The following EMC7 variants were observed in gnomAD, a reference collection of about 807,000 sequenced individuals.
EMC7 encodes the protein endoplasmic reticulum membrane protein complex subunit 7.
Under a neutral mutation model 24.4 loss-of-function variants are expected in EMC7, and 4 were observed. That is an observed-to-expected ratio of 0.16 (90% CI 0.08 to 0.38). EMC7 has a LOEUF of 0.38. Ranked by LOEUF, EMC7 falls within the 10% of genes least tolerant of loss-of-function variation. EMC7 has a pLI of 1.00. For synonymous variants in EMC7, 106 were observed against 112.0 expected (o/e 0.95, Z 0.34); for missense variants, 221 against 300.6 (o/e 0.74, Z 1.96).
Position 34,088,020 on chromosome 15 carries a change from A to G in EMC7, c.576+33T>C, listed in dbSNP as rs571177071. On this transcript the variant is annotated intron_variant, in intron 4 of 4. Coordinates refer to ENST00000256545, the MANE Select transcript of EMC7 (RefSeq NM_020154.3). The stretch of plus-strand genomic sequence containing the variant: ...GCAACAGAGGCTCTATCTCTTAAAA[A>G]AAAAAAAATCCATAGCTGGACCATC... 1.8e-4 allele frequency: 292 copies of G among 1,582,522 alleles called. 2 individuals are homozygous for G. The South Asian group carries it at 3.3e-3, about 18-fold the overall frequency.
chr15:34,096,008 A>G lies in EMC7; in HGVS notation c.243T>C (p.Asp81=). 1 of 1,566,252 alleles carries G rather than the reference A, an allele frequency of 6.4e-7. No homozygotes were observed. Among genetic ancestry groups the G allele is most frequent in the South Asian group, 1.2e-5 (1 of 83,962 alleles). The stretch of plus-strand genomic sequence containing the variant: ...GTATATCATGAACCACAAAACTCCC[A>G]TCTGTCCTGGAAAAATGAAAATCAT... ...GEEHVGFLKT[D]GSFVVHDIPS... is the part of the protein sequence containing the mutation. The change falls in exon 2 of 5, where the codon GAT becomes GAC. Residue 81 remains aspartate, a synonymous_variant. Coordinates refer to ENST00000256545, the MANE Select transcript of EMC7 (RefSeq NM_020154.3).
At chr15:34,093,806 C>CACACACACACACACACACATATAT (rs61440619) in intron 2 of EMC7, among the ~76,000 whole-genome samples, 16 of 30,228 alleles carry the variant, frequency 5.3e-4, no homozygotes, top group East Asian at 1.4e-3. Flanking sequence ...CACACACACA[C>CACACACACACACACACACATATAT]ATATATATAT....
chr15:34,095,174 T>C (rs1901045244), intron 2 of EMC7, among the ~76,000 whole-genome samples: 2 of 152,362 alleles, frequency 1.3e-5, no homozygotes, highest in Admixed American at 6.5e-5. Flanking sequence ...TAGTCATATT[T>C]GATAGCTTAA....
chr15:34,093,127 C>T (rs1901004893), intron 2 of EMC7, among the ~76,000 whole-genome samples: 1 of 152,072 alleles, frequency 6.6e-6, no homozygotes, highest in Non-Finnish European at 1.5e-5. Flanking sequence ...CGCTTTCGCA[C>T]CATGGTAAAG....
intron 3 of EMC7, among the ~76,000 whole-genome samples, chr15:34,088,944 C>T (rs1355433382): frequency 1.3e-5 from 2 of 152,108 alleles, no homozygotes; most frequent in African/African-American, 4.8e-5. Context: ...CAACCTCCAC[C>T]CCCTCTGGTT....
rs143008867 is a variant in EMC7 at position 34,092,881 on chromosome 15, C to T, written c.357-2426G>A. ...TAAGCCCATTATAGATTGAAAAATA[C>T]TGTAAGTCAAAAATGCATTTAATAC... On this transcript the variant is annotated intron_variant, in intron 2 of 4. Coordinates refer to ENST00000256545, the MANE Select transcript of EMC7 (RefSeq NM_020154.3). Among the ~76,000 whole-genome samples, 276 of 152,190 alleles carry T rather than the reference C, an allele frequency of 1.8e-3. 1 individual carries two copies. The highest frequency in any genetic ancestry group is 6.4e-3 in the African/African-American group (267 of 41,530).
intron 4 of EMC7, among the ~76,000 whole-genome samples, chr15:34,085,361 A>C (rs1301886743): frequency 6.6e-6 from 1 of 152,184 alleles, no homozygotes; most frequent in Non-Finnish European, 1.5e-5. Context: ...TAGTTATATA[A>C]TATTAATGTA....
chr15:34,095,940 C>T lies in EMC7; in HGVS notation c.311G>A (p.Arg104Lys), dbSNP rs554746970. The T allele has an allele frequency of 6.2e-7, 1 of 1,610,864 alleles. No homozygotes were observed. Among genetic ancestry groups the T allele is most frequent in the Non-Finnish European group, 8.5e-7 (1 of 1,177,594 alleles). ...YVVEVVSPAY[R>K]FDPVRVDITS... ...GATATCCACTCGAACGGGATCAAAT[C>T]TGTAAGCTGGAGATACAACTTCCAC... Residue 104 changes from arginine to lysine, a missense_variant, in exon 2 of 5, where the codon AGA (arginine) becomes AAA (lysine). Coordinates refer to ENST00000256545, the MANE Select transcript of EMC7 (RefSeq NM_020154.3).
intron 1 of EMC7, among the ~76,000 whole-genome samples, chr15:34,098,478 CAG>C (rs1206944777): frequency 1.5e-5 from 2 of 133,858 alleles, no homozygotes; most frequent in Non-Finnish European, 3.1e-5. Context: ...TTTTTTGAGA[CAG>C]AGTCTCACTC....
intron 1 of EMC7, among the ~76,000 whole-genome samples, chr15:34,097,108 A>C (rs1265568629): frequency 1.6e-5 from 2 of 127,252 alleles, no homozygotes; most frequent in Non-Finnish European, 3.1e-5. Context: ...ATCTCGGCTC[A>C]CTGCAAGCTC....
rs780646792 is a variant in EMC7, at chr15:34,101,810, G to T, written c.30C>A (p.Pro10=). The T allele has an allele frequency of 5.6e-6, 9 of 1,610,704 alleles. No individual in the cohort carries two copies. The South Asian group carries it at 8.8e-5, about 16-fold the overall frequency. ...CCGATAGCAGCAGCAGCAGCAGGAC[G>T]GGAAAGAAGCCCCACAGAGCGGCCG... The part of the protein sequence containing the change: MAAALWGFF[P]VLLLLLLSGD... Residue 10 remains proline (P), a synonymous_variant, in exon 1 of 5, where the codon CCC becomes CCA. Transcript: ENST00000256545.
At chr15:34,094,905 T>C (rs1901040734) in intron 2 of EMC7, among the ~76,000 whole-genome samples, 1 of 152,176 alleles carries the variant, frequency 6.6e-6, no homozygotes, top group Non-Finnish European at 1.5e-5. Flanking sequence ...CATATTTACA[T>C]ATTACATTTT....
At chr15:34,088,323 G>A (rs1274131848) in intron 3 of EMC7, among the ~76,000 whole-genome samples, 190 bp from the exon 4 acceptor site, 1 of 152,064 alleles carries the variant, frequency 6.6e-6, no homozygotes, top group Non-Finnish European at 1.5e-5. Flanking sequence ...TGACTATGGT[G>A]GACTATTATA....
At chr15:34,090,283 T>C in intron 3 of EMC7, 34 bp downstream of exon 3, 1 of 1,587,832 alleles carries the variant, frequency 6.3e-7, no homozygotes, top group Non-Finnish European at 8.6e-7. Flanking sequence ...AAATTAGGTA[T>C]TAGTAAAGTG....
intron 2 of EMC7, among the ~76,000 whole-genome samples, chr15:34,093,831 T>A (rs1340928531): frequency 0.011 from 399 of 37,486 alleles, 8 homozygotes; most frequent in South Asian, 0.062. Flanking sequence ...ATATTTTTTT[T>A]TTTTTTTTTT....
chr15:34,084,549 C>T (rs1828699941), intron 4 of EMC7, 63 bp from the exon 5 acceptor site: 1 of 1,542,342 alleles, frequency 6.5e-7, no homozygotes, highest in East Asian at 2.3e-5. Flanking sequence ...CCTAACACTT[C>T]CTATTAAGGA....
chr15:34,093,824 T>TATATA (rs57320225), intron 2 of EMC7, among the ~76,000 whole-genome samples: 38 of 17,670 alleles, frequency 2.2e-3, no homozygotes, highest in East Asian at 0.01. Context: ...TATATATATA[T>TATATA]TTTTTTTTTT....
At chr15:34,088,201 T>G (rs999839520) in intron 3 of EMC7, 68 bp from the exon 4 acceptor site, 12 of 1,297,214 alleles carry the variant, frequency 9.3e-6, no homozygotes, top group East Asian at 2.4e-5. Flanking sequence ...AAAACTGCAC[T>G]TAACAACCAA....
chr15:34,084,316 CA>C lies in EMC7; in HGVS notation c.*17del, dbSNP rs746866414. 2 of 1,602,906 alleles carry C rather than the reference CA, an allele frequency of 1.2e-6. No individual in the cohort carries two copies. The highest frequency in any genetic ancestry group is 3.4e-5 in the Admixed American group (2 of 59,364). On this transcript the variant is annotated 3_prime_UTR_variant, in exon 5 of 5. Coordinates refer to ENST00000256545, the MANE Select transcript of EMC7 (RefSeq NM_020154.3). ...AGTGTTGCCGTGTTTGTGCAAATGC[CA>C]GCTCTGGACGGCCTGACTACCTCCT... is the stretch of plus-strand genomic sequence containing the variant.
Sources: allele counts gnomAD v4.1 joint callset (sites outside exome capture counted in the v4.1 genomes callset), GRCh38; gene constraint gnomAD v4.1.1; transcripts MANE v1.5; gene names NCBI Gene and HGNC (gene_info 2026-07-23, HGNC 2026-07-21).